Variants in THADA observed in about 807,000 individuals in gnomAD.
THADA encodes the protein THADA armadillo repeat containing, also known as tRNA (32-2'-O)-methyltransferase regulator THADA.
THADA carries 213 observed loss-of-function variants against 219.8 expected under a neutral mutation model. That is an observed-to-expected ratio of 0.97 (90% CI 0.87 to 1.09). THADA has a LOEUF of 1.09. Ranked by LOEUF, THADA falls within the 50% of genes least tolerant of loss-of-function variation. The probability of loss-of-function intolerance (pLI) is 0.00; values close to 1 mark genes in which losing one functional copy is unlikely to be tolerated. For synonymous variants in THADA, 1,018 were observed against 828.9 expected, an observed-to-expected ratio of 1.23 and a Z score of -3.92; for missense variants, 2,956 against 2,311.3, an observed-to-expected ratio of 1.28 and a Z score of -5.72.
intron 36 of THADA, among the ~76,000 whole-genome samples, chr2:43,267,656 T>C (rs1387321080): frequency 2.0e-5 from 3 of 152,078 alleles, no homozygotes; most frequent in African/African-American, 7.2e-5. Context: ...GCTCACCAGA[T>C]TGTGGACATG....
At chr2:43,387,649 G>A (rs1672857129) in intron 29 of THADA, among the ~76,000 whole-genome samples, 1 of 152,088 alleles carries the variant, frequency 6.6e-6, no homozygotes, top group African/African-American at 2.4e-5. Context: ...GGGCAATTTT[G>A]CCCCCGCCTC....
Position 43,586,867 on chromosome 2 carries a change from C to A in THADA, c.438G>T (p.Glu146Asp). The change falls in exon 5 of 38, where the codon GAG becomes GAT. Residue 146 changes from glutamate (E) to aspartate (D), a missense_variant. Glu to Asp is a conservative substitution (Grantham distance 45). Transcript: ENST00000405975. ...GTGCAGCCTTACCCAAGTTAAAGTT[C>A]TCCATACAGGAAGAAATATTGTCAG... ...KVTDNISSCM[E>D]NFNLGRASVN... is the part of the protein sequence containing the mutation. 6.2e-7 allele frequency: 1 copy of A among 1,613,744 alleles called. No homozygotes were observed.
chr2:43,500,015 C>T (rs2105065106), intron 24 of THADA, among the ~76,000 whole-genome samples: 1 of 151,912 alleles, frequency 6.6e-6, no homozygotes, highest in South Asian at 2.1e-4. Context: ...GAAATAAACC[C>T]CTGACATGAC....
chr2:43,306,528 T>C (rs1046386711), intron 31 of THADA, among the ~76,000 whole-genome samples: 3 of 152,136 alleles, frequency 2.0e-5, no homozygotes, highest in Non-Finnish European at 4.4e-5. Flanking sequence ...GCCTCACCTG[T>C]AGTAAGAGAG....
At chr2:43,591,208 C>T (rs900488082) in intron 3 of THADA, among the ~76,000 whole-genome samples, 2 of 152,030 alleles carry the variant, frequency 1.3e-5, no homozygotes, top group African/African-American at 2.4e-5. Flanking sequence ...CCTGTAGTCC[C>T]AGCTACTCAG....
intron 21 of THADA, among the ~76,000 whole-genome samples, chr2:43,540,789 C>T (rs574852643): frequency 1.3e-5 from 2 of 152,186 alleles, no homozygotes; most frequent in Non-Finnish European, 2.9e-5. Flanking sequence ...AATCAACCAA[C>T]ATGTTACTTT....
intron 26 of THADA, among the ~76,000 whole-genome samples, chr2:43,450,877 A>G (rs971300623): frequency 1.3e-5 from 2 of 152,202 alleles, no homozygotes; most frequent in African/African-American, 2.4e-5. Context: ...TTTCCTTTCT[A>G]TGAGGTAGCT....
At chr2:43,321,095 T>C (rs1023837043) in intron 30 of THADA, among the ~76,000 whole-genome samples, 16 of 152,160 alleles carry the variant, frequency 1.1e-4, no homozygotes, top group African/African-American at 4.8e-5. Flanking sequence ...CTTCATTCAA[T>C]ATATGGAGCA....
At chr2:43,594,618 C>G (rs973115471) in intron 1 of THADA, among the ~76,000 whole-genome samples, 2 of 148,652 alleles carry the variant, frequency 1.3e-5, no homozygotes, top group East Asian at 3.9e-4. Context: ...TAAATAAATA[C>G]TTGAGATTTT....
intron 29 of THADA, chr2:43,372,345 A>C (rs563842838): frequency 1.3e-5 from 2 of 152,374 alleles, no homozygotes; most frequent in South Asian, 4.1e-4. Flanking sequence ...CATTAATAAT[A>C]AACATCACGG....
At chr2:43,276,446 C>A (rs1166194285) in intron 36 of THADA, among the ~76,000 whole-genome samples, 1 of 152,182 alleles carries the variant, frequency 6.6e-6, no homozygotes. Context: ...TTATTTTCTC[C>A]AGGCCTTCTA....
At chr2:43,531,060 A>G (rs17030998) in intron 21 of THADA, among the ~76,000 whole-genome samples, 15,809 of 152,276 alleles carry the variant, frequency 0.1, 891 homozygotes, top group African/African-American at 0.14. Flanking sequence ...AAAATGCTTC[A>G]CAGCTTAATG....
chr2:43,408,838 G>A (rs1052384318), intron 28 of THADA, among the ~76,000 whole-genome samples: 2 of 151,988 alleles, frequency 1.3e-5, no homozygotes, highest in African/African-American at 4.8e-5. Context: ...TCATAATATT[G>A]ATGCTAATAA....
At chr2:43,277,874 C>T (rs1672901137) in intron 36 of THADA, among the ~76,000 whole-genome samples, 1 of 151,846 alleles carries the variant, frequency 6.6e-6, no homozygotes, top group African/African-American at 2.4e-5. Context: ...CTACAAAATC[C>T]TTATATGCTG....
intron 26 of THADA, among the ~76,000 whole-genome samples, chr2:43,471,783 C>A (rs1488690513): frequency 6.6e-6 from 1 of 152,186 alleles, no homozygotes. Flanking sequence ...ACTATTGTCA[C>A]TTCACAATAA....
rs773079245 is a variant in THADA, at chr2:43,286,989, G to A, written c.5083C>T (p.Pro1695Ser). 2 of 1,613,898 alleles carry A rather than the reference G, an allele frequency of 1.2e-6. No individual in the cohort carries two copies. The highest frequency in any genetic ancestry group is 1.3e-5 in the African/African-American group (1 of 74,912). ...LVILSCEDHL[P>S]TESRLAVVEV... is the part of the protein sequence containing the mutation. ...ACGACGGCCAGCCTAGACTCTGTAG[G>A]AAGATGGTCTTCACATGACAAGATG... The change falls in exon 35 of 38, where the codon CCT becomes TCT. Residue 1695 changes from proline to serine, a missense_variant. Coordinates refer to ENST00000405975, the MANE Select transcript of THADA (RefSeq NM_022065.5).
chr2:43,400,478 A>ATATATAT lies in THADA; in HGVS notation c.4059-2340_4059-2339insATATATA, dbSNP rs10687373. On this transcript the variant is annotated intron_variant, in intron 28 of 37. Transcript: ENST00000405975. Reference sequence around the variant, plus strand: ...AAATTTATATATATATATATATATAAATATATACACTAAGAAAAAAAATTT... The same window carrying ATATATAT: ...AAATTTATATATATATATATATATAATATATATATATATACACTAAGAAAAAAAATTT... Among the ~76,000 whole-genome samples, 614 of 116,944 alleles carry ATATATAT rather than the reference A, an allele frequency of 5.3e-3. 27 individuals are homozygous for ATATATAT. The highest frequency in any genetic ancestry group is 0.013 in the Middle Eastern group (3 of 230). The allele number at this position is 116,944 out of a possible 152,430, so 76.7% of individuals were successfully genotyped here.
At chr2:43,298,997 A>G (rs1395532880) in intron 31 of THADA, among the ~76,000 whole-genome samples, 2 of 152,220 alleles carry the variant, frequency 1.3e-5, no homozygotes, top group South Asian at 2.1e-4. Flanking sequence ...AAATGGTGCC[A>G]TAAGTGGAAA....
intron 29 of THADA, among the ~76,000 whole-genome samples, chr2:43,387,588 A>G (rs1163753114): frequency 1.3e-5 from 2 of 151,436 alleles, no homozygotes; most frequent in Non-Finnish European, 1.5e-5. Flanking sequence ...CTTGTCCCAC[A>G]GGATGATGGG....
Sources: allele counts gnomAD v4.1 joint callset (sites outside exome capture counted in the v4.1 genomes callset), GRCh38; gene constraint gnomAD v4.1.1; transcripts MANE v1.5; gene names NCBI Gene and HGNC (gene_info 2026-07-23, HGNC 2026-07-21).